The following PKIG variants were observed in gnomAD, a reference collection of about 807,000 sequenced individuals.
PKIG encodes the protein protein kinase (cAMP-dependent, catalytic) inhibitor gamma.
In PKIG, 1 loss-of-function variant was observed where a neutral mutation model predicts 6.8. The ratio of observed to expected loss-of-function variants is 0.15; its 90% confidence interval spans 0.05 to 0.69. The LOEUF (loss-of-function observed/expected upper bound fraction) is 0.69. Among genes scored for constraint, PKIG ranks in the 30% least tolerant of loss-of-function variants. The probability of loss-of-function intolerance (pLI) is 0.82; values close to 1 mark genes in which losing one functional copy is unlikely to be tolerated. For missense variants in PKIG, 77 were observed against 104.0 expected (o/e 0.74, Z 1.13); for synonymous variants, 39 against 43.0 (o/e 0.91, Z 0.36).
intron 2 of PKIG, among the ~76,000 whole-genome samples, chr20:44,608,491 T>C (rs767641762): frequency 6.6e-5 from 10 of 152,220 alleles, no homozygotes; most frequent in Non-Finnish European, 1.5e-4. Context: ...TTGGTGTCTT[T>C]AGTTTCCTGC....
chr20:44,566,442 A>G (rs1318488474), intron 1 of PKIG, among the ~76,000 whole-genome samples: 1 of 152,272 alleles, frequency 6.6e-6, no homozygotes, highest in Non-Finnish European at 1.5e-5. Flanking sequence ...GACTTTGAAA[A>G]TAAGATGCAC....
intron 1 of PKIG, among the ~76,000 whole-genome samples, chr20:44,569,643 G>T (rs779089876): frequency 6.7e-6 from 1 of 150,360 alleles, no homozygotes; most frequent in Non-Finnish European, 1.5e-5. Context: ...TTTTACTCTT[G>T]TTGCCCAGGC....
chr20:44,577,476 C>A (rs1358300866), intron 1 of PKIG, among the ~76,000 whole-genome samples: 1 of 152,016 alleles, frequency 6.6e-6, no homozygotes, highest in Non-Finnish European at 1.5e-5. Context: ...TTCTCTGGGG[C>A]CTTACACCAG....
intron 1 of PKIG, among the ~76,000 whole-genome samples, chr20:44,573,692 ATC>A (rs1600863469): frequency 6.6e-6 from 1 of 152,342 alleles, no homozygotes; most frequent in East Asian, 1.9e-4. Flanking sequence ...CAACCTTTTC[ATC>A]TGTAAAATGG....
intron 1 of PKIG, among the ~76,000 whole-genome samples, chr20:44,587,490 C>A (rs996134709): frequency 2.6e-5 from 4 of 152,176 alleles, no homozygotes; most frequent in African/African-American, 9.7e-5. Context: ...CCTGAGAGGG[C>A]CCTGAATCTG....
intron 2 of PKIG, among the ~76,000 whole-genome samples, 153 bp downstream of exon 2, chr20:44,590,019 T>C (rs947386367): frequency 2.0e-5 from 3 of 152,172 alleles, no homozygotes; most frequent in African/African-American, 4.8e-5. Context: ...GATGGCTCTT[T>C]TCAGAAGTTA....
chr20:44,611,126 C>G (rs573356545), intron 2 of PKIG, among the ~76,000 whole-genome samples: 2 of 149,910 alleles, frequency 1.3e-5, no homozygotes, highest in Admixed American at 6.7e-5. Context: ...GTGATCTCAG[C>G]TCACGGCAGT....
chr20:44,553,233 C>T (rs2123203858), intron 1 of PKIG, among the ~76,000 whole-genome samples: 1 of 152,184 alleles, frequency 6.6e-6, no homozygotes, highest in African/African-American at 2.4e-5. Flanking sequence ...TCATTAATTC[C>T]ATCCCAGGAA....
At chr20:44,531,986 G>A (rs1185846913) in intron 1 of PKIG, 1 of 152,244 alleles carries the variant, frequency 6.6e-6, no homozygotes, top group Non-Finnish European at 1.5e-5. Context: ...CAGGTGAGCA[G>A]GAGCCGGGCG....
At chr20:44,555,917 G>T (rs188892320) in intron 1 of PKIG, among the ~76,000 whole-genome samples, 80 of 152,066 alleles carry the variant, frequency 5.3e-4, no homozygotes, top group Admixed American at 4.5e-3. Flanking sequence ...CTCTGCTCAC[G>T]GCAACTTCTG....
upstream of PKIG, among the ~76,000 whole-genome samples, chr20:44,582,035 G>GAA (rs2064952629): frequency 6.6e-6 from 1 of 152,074 alleles, no homozygotes; most frequent in Non-Finnish European, 1.5e-5. Flanking sequence ...TTTCCCAGGG[G>GAA]ACACACCAGT....
rs971244471 is a variant in PKIG at position 44,614,897 on chromosome 20, A to G, written c.151+190A>G. On this transcript the variant is annotated intron_variant, in intron 3 of 3. Coordinates refer to ENST00000372886, the MANE Select transcript of PKIG (RefSeq NM_001281445.2). This position sits in a 1 kb window ranked among gnomAD's most constrained non-coding sequence, Gnocchi z 4.6. ...GAAGATGTTTGAGTCTCAGGCCCCA[A>G]GGACTCCTCTGGACAGGCATCCGGG... The G allele has an allele frequency of 1.6e-5, 10 of 616,934 alleles. No individual in the cohort carries two copies. Among genetic ancestry groups the G allele is most frequent in the Non-Finnish European group, 1.7e-5 (6 of 356,872 alleles). The allele number at this position is 616,934 out of a possible 1,614,324, so 38.2% of individuals were successfully genotyped here. A position where few individuals can be genotyped will look rare whatever the true frequency, so the allele number is the denominator to read the frequency against.
chr20:44,555,135 T>C (rs1387696179), intron 1 of PKIG, among the ~76,000 whole-genome samples: 1 of 152,218 alleles, frequency 6.6e-6, no homozygotes, highest in Non-Finnish European at 1.5e-5. Context: ...GTTGATGTTA[T>C]TCTTAAAGAA....
rs937181966 is a variant in PKIG at position 44,573,335 on chromosome 20, CTT to C, written c.-240-9249_-240-9248del. Among the ~76,000 whole-genome samples, 33 of 152,224 alleles carry C rather than the reference CTT, an allele frequency of 2.2e-4. 1 individual carries two copies. The highest frequency in any genetic ancestry group is 7.7e-4 in the African/African-American group (32 of 41,462). ...ATTGCTGCATTCATGTGCAGTGACT[CTT>C]ATGTCAAATGCCTATGAGGAGATTA... On this transcript the variant is annotated intron_variant, in intron 1 of 4. Transcript: ENST00000372887.
intron 1 of PKIG, among the ~76,000 whole-genome samples, chr20:44,576,531 AG>A (rs1459144377): frequency 6.6e-6 from 1 of 152,196 alleles, no homozygotes; most frequent in Non-Finnish European, 1.5e-5. Flanking sequence ...GTCAAAGTGC[AG>A]TAGCAAGTGA....
intron 1 of PKIG, among the ~76,000 whole-genome samples, chr20:44,583,335 T>A (rs1196785677): frequency 2.6e-5 from 4 of 152,232 alleles, no homozygotes; most frequent in South Asian, 4.1e-4. Context: ...TGCTTCCTTT[T>A]AAAAATTTGC....
chr20:44,567,090 A>G (rs1196794800), intron 1 of PKIG, among the ~76,000 whole-genome samples: 1 of 152,174 alleles, frequency 6.6e-6, no homozygotes, highest in Non-Finnish European at 1.5e-5. Context: ...GCAGAAAAGC[A>G]TTTCTTAAAA....
intron 1 of PKIG, among the ~76,000 whole-genome samples, chr20:44,571,412 G>A (rs557233160): frequency 4.6e-5 from 7 of 152,198 alleles, no homozygotes; most frequent in African/African-American, 1.7e-4. Flanking sequence ...CTGGCAGAGG[G>A]AAAAGATAAG....
At chr20:44,573,633 G>A (rs150768447) in intron 1 of PKIG, among the ~76,000 whole-genome samples, 52 of 152,338 alleles carry the variant, frequency 3.4e-4, no homozygotes, top group South Asian at 1.4e-3. Flanking sequence ...AGTCTCACAG[G>A]CCTCGCCCAC....
Sources: allele counts gnomAD v4.1 joint callset (sites outside exome capture counted in the v4.1 genomes callset), GRCh38; gene constraint gnomAD v4.1.1; non-coding constraint Gnocchi (gnomAD v3.1); transcripts MANE v1.5; gene names NCBI Gene and HGNC (gene_info 2026-07-23, HGNC 2026-07-21).